SLC24A2: variants seen among roughly 807,000 people sequenced by gnomAD.
SLC24A2 encodes sodium/potassium/calcium exchanger 2.
Under a neutral mutation model 62.0 loss-of-function variants are expected in SLC24A2, and 36 were observed. The ratio of observed to expected loss-of-function variants is 0.58; its 90% CI spans 0.44 to 0.77. The LOEUF is 0.77. Among genes scored for constraint, SLC24A2 ranks in the 30% least tolerant of loss-of-function variants. SLC24A2 has a pLI of 0.00. For missense variants in SLC24A2, 846 were observed against 817.9 expected (o/e 1.03, Z -0.42); for synonymous variants, 358 against 294.0 (o/e 1.22, Z -2.23).
At chr9:19,731,815 CTT>C (rs553544035) in intron 2 of SLC24A2, among the ~76,000 whole-genome samples, 24 of 152,344 alleles carry the variant, frequency 1.6e-4, no homozygotes, top group African/African-American at 5.8e-4. Context: ...GCTGCCCACA[CTT>C]TTCTTTGCAC....
the SLC24A2 span, among the ~76,000 whole-genome samples, chr9:19,860,535 A>G: frequency 1.3e-5 from 2 of 152,166 alleles, no homozygotes; most frequent in African/African-American, 4.8e-5. Flanking sequence ...GCTATGGGTC[A>G]AGATTCTTTC....
intron 2 of SLC24A2, among the ~76,000 whole-genome samples, chr9:19,712,557 G>C (rs551997052): frequency 2.0e-5 from 3 of 152,274 alleles, no homozygotes; most frequent in African/African-American, 4.8e-5. Context: ...ATGAGAGGCA[G>C]GAGTCTTGCC....
At chr9:20,221,935 G>T in the SLC24A2 span, among the ~76,000 whole-genome samples, 1 of 151,830 alleles carries the variant, frequency 6.6e-6, no homozygotes, top group South Asian at 2.1e-4. Context: ...TCAATTAGAA[G>T]AAAAGTGAAC....
At chr9:19,534,969 C>T (rs1833886824) in intron 8 of SLC24A2, among the ~76,000 whole-genome samples, 1 of 152,180 alleles carries the variant, frequency 6.6e-6, no homozygotes, top group African/African-American at 2.4e-5. Context: ...ACTTACACCC[C>T]CACCAACAGT....
intron 7 of SLC24A2, 103 bp from the exon 8 acceptor site, chr9:19,550,371 G>C: frequency 3.2e-6 from 4 of 1,242,756 alleles, no homozygotes; most frequent in Admixed American, 1.8e-5. Flanking sequence ...TGTCTTATCA[G>C]TTTTCTGGAC....
the SLC24A2 span, among the ~76,000 whole-genome samples, chr9:20,251,291 TC>T: frequency 7.0e-6 from 1 of 143,734 alleles, no homozygotes; most frequent in Admixed American, 6.9e-5. Flanking sequence ...CCCACCCTTA[TC>T]CCCTTCTTAG....
chr9:20,022,642 T>A, the SLC24A2 span, among the ~76,000 whole-genome samples: 84 of 152,314 alleles, frequency 5.5e-4, 1 homozygote, highest in African/African-American at 2.0e-3. Flanking sequence ...AAAGAAAAGA[T>A]CTCTGCTGCT....
intron 2 of SLC24A2, among the ~76,000 whole-genome samples, chr9:19,747,493 A>G (rs543955579): frequency 4.1e-4 from 62 of 152,330 alleles, no homozygotes; most frequent in African/African-American, 1.4e-3. Context: ...CCTACATAGA[A>G]GAGGACTAAC....
chr9:20,181,730 G>T, the SLC24A2 span, among the ~76,000 whole-genome samples: 1 of 152,164 alleles, frequency 6.6e-6, no homozygotes, highest in South Asian at 2.1e-4. Context: ...CATGGGCAAA[G>T]ACTTCATGAC....
At chr9:20,191,507 G>A in the SLC24A2 span, among the ~76,000 whole-genome samples, 1 of 151,950 alleles carries the variant, frequency 6.6e-6, no homozygotes, top group East Asian at 1.9e-4. Context: ...AGCTAGTCCA[G>A]AAAGCATTCC....
the SLC24A2 span, among the ~76,000 whole-genome samples, chr9:19,833,898 C>G: frequency 6.6e-6 from 1 of 152,218 alleles, no homozygotes; most frequent in Admixed American, 6.5e-5. Context: ...AACAATCAGG[C>G]AGCAGCATTT....
At chr9:19,737,684 GT>G (rs1821550506) in intron 2 of SLC24A2, among the ~76,000 whole-genome samples, 2 of 151,856 alleles carry the variant, frequency 1.3e-5, no homozygotes, top group Admixed American at 1.3e-4. Context: ...TAAAAATGCT[GT>G]TTTTCTAAAA....
At chr9:19,906,798 G>C in the SLC24A2 span, among the ~76,000 whole-genome samples, 1 of 152,108 alleles carries the variant, frequency 6.6e-6, no homozygotes, top group Admixed American at 6.5e-5. Flanking sequence ...TCTCTGAATA[G>C]ACCAATAACA....
At chr9:19,621,902 A>C (rs71508795) in intron 3 of SLC24A2, among the ~76,000 whole-genome samples, 1 of 152,216 alleles carries the variant, frequency 6.6e-6, no homozygotes, top group Non-Finnish European at 1.5e-5. Flanking sequence ...ATGCAGATAC[A>C]CAAAGAAAAC....
At position 19,632,139 on chromosome 9, in the gene SLC24A2, T is replaced by G. The variant is rs996677824; in HGVS notation, c.931-9840A>C. ...CCTTCTCAATTGTCCCTGGGGCTGA[T>G]GCAGTTTAGGGTAGAGTGAGTCAAA... On this transcript the variant is annotated intron_variant, in intron 2 of 10. Coordinates refer to ENST00000341998, the MANE Select transcript of SLC24A2 (RefSeq NM_020344.4). The surrounding 1 kb of genome is among the most constrained non-coding windows in gnomAD (Gnocchi z 4.5). Among the ~76,000 whole-genome samples, 7 of 152,184 alleles carry G rather than the reference T, an allele frequency of 4.6e-5. No individual in the cohort carries two copies. The highest frequency in any genetic ancestry group is 5.9e-5 in the Non-Finnish European group (4 of 68,030).
At chr9:19,616,304 C>T (rs376668671) in intron 4 of SLC24A2, among the ~76,000 whole-genome samples, 1 of 152,158 alleles carries the variant, frequency 6.6e-6, no homozygotes, top group Non-Finnish European at 1.5e-5. Context: ...TGTATATTCA[C>T]ATTTTAATCC....
At chr9:19,735,945 A>T (rs1351000434) in intron 2 of SLC24A2, among the ~76,000 whole-genome samples, 1 of 152,208 alleles carries the variant, frequency 6.6e-6, no homozygotes, top group Non-Finnish European at 1.5e-5. Context: ...AACATGGCAC[A>T]TGTATACATA....
chr9:20,164,302 C>T, the SLC24A2 span, among the ~76,000 whole-genome samples: 3 of 151,866 alleles, frequency 2.0e-5, no homozygotes, highest in Middle Eastern at 3.4e-3. Context: ...AACAAACAAC[C>T]CCATCAAAAA....
At chr9:20,256,921 TACACACACACACAC>T in the SLC24A2 span, among the ~76,000 whole-genome samples, 1 of 119,884 alleles carries the variant, frequency 8.3e-6, no homozygotes, top group Non-Finnish European at 1.9e-5. Flanking sequence ...CTCCAGCATG[TACACACACACACAC>T]ACACACACAC....
Sources: gnomAD v4.1 joint callset for allele counts (sites outside exome capture counted in the v4.1 genomes callset) on GRCh38, gnomAD v4.1.1 for gene constraint, Gnocchi (gnomAD v3.1) non-coding constraint, MANE v1.5 for transcripts, NCBI Gene and HGNC (gene_info 2026-07-23, HGNC 2026-07-21) for gene names.